Variants in EYS observed in about 807,000 individuals in gnomAD.
EYS encodes protein eyes shut homolog.
In EYS, 250 loss-of-function variants were observed where a neutral mutation model predicts 282.1. That is an observed-to-expected ratio of 0.89 (90% CI 0.80 to 0.98). The LOEUF (loss-of-function observed/expected upper bound fraction) is 0.98, where lower values mean the gene tolerates loss of function less well. Among genes scored for constraint, EYS ranks in the 50% least tolerant of loss-of-function variants. EYS has a pLI of 0.00. For missense variants in EYS, 4,016 were observed against 3,709.0 expected (o/e 1.08, Z -2.15); for synonymous variants, 1,355 against 1,282.9 (o/e 1.06, Z -1.20).
At chr6:65,659,727 A>T (rs1008762384) in intron 1 of EYS, among the ~76,000 whole-genome samples, 27 of 151,788 alleles carry the variant, frequency 1.8e-4, no homozygotes, top group Non-Finnish European at 3.4e-4. Context: ...ACACACAAAC[A>T]TTAGAATTTT....
intron 33 of EYS, among the ~76,000 whole-genome samples, chr6:64,026,936 T>C (rs60174149): frequency 0.017 from 2,532 of 152,280 alleles, 60 homozygotes; most frequent in East Asian, 0.069. Context: ...GATAGGTACA[T>C]AGATGTCCTA....
intron 13 of EYS, among the ~76,000 whole-genome samples, chr6:65,038,745 T>C (rs1286523771): frequency 2.0e-5 from 3 of 151,512 alleles, no homozygotes; most frequent in African/African-American, 7.2e-5. Flanking sequence ...ACATTTTCAA[T>C]AATTTTTTTA....
intron 24 of EYS, among the ~76,000 whole-genome samples, chr6:64,611,930 G>A (rs540907857): frequency 5.3e-5 from 8 of 152,076 alleles, no homozygotes; most frequent in African/African-American, 1.9e-4. Context: ...TTTCCTATTA[G>A]GAGATAATAA....
chr6:65,122,449 CAATGAG>C (rs1775585818), intron 12 of EYS, among the ~76,000 whole-genome samples: 1 of 151,994 alleles, frequency 6.6e-6, no homozygotes, highest in Non-Finnish European at 1.5e-5. Flanking sequence ...AAGAGCGTGT[CAATGAG>C]AAAATTTGAT....
intron 18 of EYS, among the ~76,000 whole-genome samples, chr6:64,888,282 A>G (rs974177233): frequency 6.6e-6 from 1 of 151,994 alleles, no homozygotes; most frequent in Non-Finnish European, 1.5e-5. Context: ...AAAATTTTGA[A>G]TGTTTGCACC....
chr6:64,094,435 C>A (rs1375814583), intron 31 of EYS, among the ~76,000 whole-genome samples: 1 of 152,116 alleles, frequency 6.6e-6, no homozygotes, highest in Non-Finnish European at 1.5e-5. Context: ...ATTTCAGCTC[C>A]TGTTATTGGT....
chr6:64,562,922 T>G (rs1765445098), intron 26 of EYS, among the ~76,000 whole-genome samples: 1 of 152,128 alleles, frequency 6.6e-6, no homozygotes, highest in South Asian at 2.1e-4. Flanking sequence ...GACAAATGAA[T>G]TATTCTCTAT....
intron 12 of EYS, among the ~76,000 whole-genome samples, chr6:65,179,271 C>T (rs1765309802): frequency 6.6e-6 from 1 of 151,600 alleles, no homozygotes; most frequent in African/African-American, 2.4e-5. Flanking sequence ...TCAATGAATC[C>T]AGGAGCTGGT....
intron 35 of EYS, among the ~76,000 whole-genome samples, chr6:63,925,955 GT>G (rs1403197325): frequency 6.6e-6 from 1 of 152,082 alleles, no homozygotes; most frequent in Non-Finnish European, 1.5e-5. Context: ...TGTCATCTAG[GT>G]TTTAAGCACC....
chr6:64,542,101 C>T (rs1411027017), intron 26 of EYS, among the ~76,000 whole-genome samples: 5 of 152,006 alleles, frequency 3.3e-5, no homozygotes, highest in African/African-American at 9.7e-5. Context: ...TCAGAAAGCT[C>T]TGAATATTAG....
chr6:65,117,247 C>A (rs1037323146), intron 12 of EYS, among the ~76,000 whole-genome samples: 1 of 152,176 alleles, frequency 6.6e-6, no homozygotes, highest in Non-Finnish European at 1.5e-5. Context: ...AAACTGCTTT[C>A]TTTCTAGCTG....
At chr6:65,583,167 T>G (rs1718657844) in intron 2 of EYS, among the ~76,000 whole-genome samples, 1 of 152,112 alleles carries the variant, frequency 6.6e-6, no homozygotes, top group African/African-American at 2.4e-5. Context: ...CTGTAAAATC[T>G]TTTTAATTCC....
intron 29 of EYS, among the ~76,000 whole-genome samples, chr6:64,346,117 G>A (rs930730095): frequency 1.3e-5 from 2 of 152,094 alleles, no homozygotes; most frequent in Non-Finnish European, 2.9e-5. Context: ...CTGTAAACTA[G>A]TTCAACCATT....
chr6:63,857,988 G>T (rs76466400), intron 36 of EYS, among the ~76,000 whole-genome samples: 2 of 152,064 alleles, frequency 1.3e-5, no homozygotes, highest in South Asian at 2.1e-4. Context: ...TTTAACGTGA[G>T]GGGGAGTAAA....
At chr6:65,305,529 C>T (rs550314413) in intron 11 of EYS, among the ~76,000 whole-genome samples, 1 of 152,272 alleles carries the variant, frequency 6.6e-6, no homozygotes, top group East Asian at 1.9e-4. Context: ...GGGCATAACT[C>T]TTTGGACCTG....
intron 36 of EYS, among the ~76,000 whole-genome samples, chr6:63,837,208 G>T (rs868340219): frequency 6.6e-6 from 1 of 152,006 alleles, no homozygotes; most frequent in Non-Finnish European, 1.5e-5. Flanking sequence ...TAGTGACAAT[G>T]GTGACTTTGT....
intron 29 of EYS, among the ~76,000 whole-genome samples, chr6:64,317,564 C>G (rs917748627): frequency 6.6e-6 from 1 of 152,042 alleles, no homozygotes; most frequent in African/African-American, 2.4e-5. Flanking sequence ...AATAGAAACG[C>G]TTTTACACTG....
At chr6:64,466,697 CAAT>C (rs1436880334) in intron 26 of EYS, among the ~76,000 whole-genome samples, 2 of 151,920 alleles carry the variant, frequency 1.3e-5, no homozygotes, top group Non-Finnish European at 2.9e-5. Context: ...TAGTTAATAA[CAAT>C]ATATTAATAT....
intron 12 of EYS, among the ~76,000 whole-genome samples, chr6:65,145,344 TCACATTTTATGTAAAGTTAC>T (rs1764450482): frequency 6.6e-6 from 1 of 152,042 alleles, no homozygotes; most frequent in Non-Finnish European, 1.5e-5. Context: ...GTATTTTCCC[TCACATTTTATGTAAAGTTAC>T]TAGTGGAGTT....
Sources: allele counts gnomAD v4.1 joint callset (sites outside exome capture counted in the v4.1 genomes callset), GRCh38; gene constraint gnomAD v4.1.1; transcripts MANE v1.5; gene names NCBI Gene and HGNC (gene_info 2026-07-23, HGNC 2026-07-21).